Variants in FBXL2 observed in about 807,000 individuals in gnomAD.
The protein encoded by FBXL2 is F-box/LRR-repeat protein 2.
Under a neutral mutation model 69.2 loss-of-function variants are expected in FBXL2, and 38 were observed. That is an observed-to-expected ratio of 0.55 (90% confidence interval 0.42 to 0.72). FBXL2 has a LOEUF of 0.72. Ranked by LOEUF, FBXL2 falls within the 30% of genes least tolerant of loss-of-function variation. The probability of loss-of-function intolerance (pLI) is 0.00; values close to 1 mark genes in which losing one functional copy is unlikely to be tolerated. For missense variants in FBXL2, 354 were observed against 520.3 expected, an observed-to-expected ratio of 0.68 and a Z score of 3.11; for synonymous variants, 192 against 201.3, an observed-to-expected ratio of 0.95 and a Z score of 0.39.
chr3:33,366,440 G>A (rs763463847), intron 5 of FBXL2, among the ~76,000 whole-genome samples: 47 of 152,208 alleles, frequency 3.1e-4, no homozygotes, highest in Non-Finnish European at 4.3e-4. Flanking sequence ...GCCAAGGTGG[G>A]AGAATCACTT....
At chr3:33,342,964 T>C (rs2040177302) in intron 2 of FBXL2, among the ~76,000 whole-genome samples, 1 of 146,856 alleles carries the variant, frequency 6.8e-6, no homozygotes, top group African/African-American at 2.5e-5. Flanking sequence ...ATGGTCTCCA[T>C]CTCCTGACCT....
rs142212867 is a variant in FBXL2, at chr3:33,307,101, A to G, written c.65+9376A>G. ...TTCAAATAGTCTTTCCACTAGATAA[A>G]TGTTAATTACAAAAGGAAAAATGCT... On this transcript the variant is annotated intron_variant, in intron 2 of 14. Coordinates refer to ENST00000484457, the MANE Select transcript of FBXL2 (RefSeq NM_012157.5). Among the ~76,000 whole-genome samples, 6 of 152,294 alleles carry G rather than the reference A, an allele frequency of 3.9e-5. 1 individual carries two copies. Among genetic ancestry groups the G allele is most frequent in the African/African-American group, 1.4e-4 (6 of 41,584 alleles).
At chr3:33,364,933 C>T (rs148998712) in intron 5 of FBXL2, among the ~76,000 whole-genome samples, 1 of 152,120 alleles carries the variant, frequency 6.6e-6, no homozygotes, top group Non-Finnish European at 1.5e-5. Context: ...CAAATTATTT[C>T]CCCCGGCCGA....
At chr3:33,393,903 A>G (rs1202997870) in intron 12 of FBXL2, among the ~76,000 whole-genome samples, 1 of 152,220 alleles carries the variant, frequency 6.6e-6, no homozygotes, top group Non-Finnish European at 1.5e-5. Context: ...TATACTTACA[A>G]TGGGAGGACT....
At chr3:33,286,047 C>G (rs537072926) in intron 1 of FBXL2, among the ~76,000 whole-genome samples, 1 of 152,274 alleles carries the variant, frequency 6.6e-6, no homozygotes, top group Non-Finnish European at 1.5e-5. Flanking sequence ...CTCTCAAAGT[C>G]ATTCTCCATC....
intron 2 of FBXL2, among the ~76,000 whole-genome samples, chr3:33,320,541 G>C (rs2038106568): frequency 6.6e-6 from 1 of 151,716 alleles, no homozygotes; most frequent in Admixed American, 6.6e-5. Context: ...GAGTGGAGTG[G>C]CGCAATCTCA....
At chr3:33,400,717 T>C (rs2044194022) in intron 12 of FBXL2, among the ~76,000 whole-genome samples, 1 of 151,992 alleles carries the variant, frequency 6.6e-6, no homozygotes, top group African/African-American at 2.4e-5. Context: ...GATTAAAGGG[T>C]GCAAACAAAC....
rs975184242 is a variant in FBXL2 at position 33,303,242 on chromosome 3, T to G, written c.65+5517T>G. 19 of 451,620 alleles carry G rather than the reference T, an allele frequency of 4.2e-5. 1 individual carries two copies. Among genetic ancestry groups the G allele is most frequent in the Admixed American group, 3.8e-4 (16 of 42,148 alleles). The allele number at this position is 451,620 out of a possible 1,614,324, so 28.0% of individuals were successfully genotyped here. On this transcript the variant is annotated intron_variant, in intron 2 of 14. Transcript: ENST00000484457. ...ATTTTCCCTCTTTGCCGAAGAGTTT[T>G]TTTAGGTTGGTTTGCTCGCTCTCGT...
intron 2 of FBXL2, among the ~76,000 whole-genome samples, chr3:33,302,179 A>G (rs953028704): frequency 6.6e-6 from 1 of 152,206 alleles, no homozygotes; most frequent in African/African-American, 2.4e-5. Context: ...ACTGCTAACA[A>G]TATCTCAGTA....
rs185329425 is a variant in FBXL2 at position 33,380,157 on chromosome 3, G to A, written c.951+1416G>A. Among the ~76,000 whole-genome samples, 128 of 150,444 alleles carry A rather than the reference G, an allele frequency of 8.5e-4. 1 individual carries two copies. In the East Asian group the frequency reaches 0.019, roughly 22 times the overall value. On this transcript the variant is annotated intron_variant, in intron 13 of 14. Coordinates refer to ENST00000484457, the MANE Select transcript of FBXL2 (RefSeq NM_012157.5). Reference sequence around the variant, plus strand: ...GGGGAACTGCTTGAACCTGGGAGGCGGAGGTTGCAGTGAGCCAAGGTCACA... The same window carrying A: ...GGGGAACTGCTTGAACCTGGGAGGCAGAGGTTGCAGTGAGCCAAGGTCACA...
At chr3:33,337,049 C>G (rs990711457) in intron 2 of FBXL2, among the ~76,000 whole-genome samples, 1 of 150,032 alleles carries the variant, frequency 6.7e-6, no homozygotes, top group East Asian at 2.0e-4. Context: ...TATTAAAATA[C>G]AAAAAATCAG....
intron 5 of FBXL2, among the ~76,000 whole-genome samples, chr3:33,366,899 G>A (rs2041986600): frequency 6.6e-6 from 1 of 152,108 alleles, no homozygotes; most frequent in Non-Finnish European, 1.5e-5. Flanking sequence ...GGGAGGTGGA[G>A]CTTGGCAGTG....
rs1204841788 is a variant in FBXL2 at position 33,286,283 on chromosome 3, T to TG, written c.3+8770dup. ...TCAGGACCCTCAGCTGCAGGTCTGT[T>TG]GGAGTTTGCTGGAGGTCCACTCCAG... On this transcript the variant is annotated intron_variant, in intron 1 of 14. Transcript: ENST00000484457. 2.0e-5 allele frequency among the ~76,000 whole-genome samples: 3 copies of TG among 152,206 alleles called. No individual in the cohort carries two copies. In the East Asian group the frequency reaches 5.8e-4, roughly 29 times the overall value.
chr3:33,331,840 A>T (rs998597870), intron 2 of FBXL2, among the ~76,000 whole-genome samples: 1 of 152,192 alleles, frequency 6.6e-6, no homozygotes, highest in Non-Finnish European at 1.5e-5. Context: ...GCTGAAAAAC[A>T]CAGATGAGGA....
intron 1 of FBXL2, among the ~76,000 whole-genome samples, chr3:33,285,602 G>A (rs1160515435): frequency 6.6e-6 from 1 of 152,126 alleles, no homozygotes; most frequent in African/African-American, 2.4e-5. Context: ...TGCTAGGTTG[G>A]GGATGTTCTC....
At chr3:33,418,097 T>G in the FBXL2 span, among the ~76,000 whole-genome samples, 2 of 152,200 alleles carry the variant, frequency 1.3e-5, no homozygotes, top group South Asian at 4.1e-4. Context: ...TGGATCTATA[T>G]TCTGAAAACA....
chr3:33,418,116 T>G, the FBXL2 span, among the ~76,000 whole-genome samples: 4 of 152,178 alleles, frequency 2.6e-5, no homozygotes, highest in Admixed American at 6.5e-5. Context: ...CAGAAATAAT[T>G]TTCAAAATGA....
intron 12 of FBXL2, chr3:33,402,686 T>A: frequency 1.5e-6 from 1 of 684,892 alleles, no homozygotes. Flanking sequence ...TACTTCCCCT[T>A]ACTGTTTCCT....
chr3:33,385,480 C>T, intron 14 of FBXL2, 21 bp from the exon 15 acceptor site: 3 of 1,604,524 alleles, frequency 1.9e-6, no homozygotes, highest in South Asian at 2.2e-5. Flanking sequence ...AAAGACTCCA[C>T]TTTTTTCTTC....
Sources: allele counts gnomAD v4.1 joint callset (sites outside exome capture counted in the v4.1 genomes callset), GRCh38; gene constraint gnomAD v4.1.1; transcripts MANE v1.5; gene names NCBI Gene and HGNC (gene_info 2026-07-23, HGNC 2026-07-21).